Variants in LARP7 observed in about 807,000 individuals in gnomAD.
LARP7 encodes La ribonucleoprotein 7, transcriptional regulator.
In LARP7, 52 loss-of-function variants were observed where a neutral mutation model predicts 69.3. That is an observed-to-expected ratio of 0.75 (90% CI 0.60 to 0.95). The LOEUF (loss-of-function observed/expected upper bound fraction) is 0.95. Among genes scored for constraint, LARP7 ranks in the 40% least tolerant of loss-of-function variants. LARP7 has a pLI of 0.00. For synonymous variants in LARP7, 254 were observed against 215.9 expected (o/e 1.18, Z -1.55); for missense variants, 733 against 673.0 (o/e 1.09, Z -0.99).
Position 112,647,449 on chromosome 4 carries a change from C to A in LARP7, c.897C>A (p.Ser299Arg). Reference protein sequence around the residue: ...EVRTGKRKRSSSEDAESLAPR... With the variant: ...EVRTGKRKRSRSEDAESLAPR... ...GAACAGGGAAGAGGAAGAGAAGCAG[C>A]TCTGAAGATGCAGAATCCCTAGCTC... The change falls in exon 7 of 13, where the codon AGC becomes AGA. Residue 299 changes from serine (S) to arginine (R), a missense_variant. Transcript: ENST00000344442. 4 of 1,614,014 alleles carry A rather than the reference C, an allele frequency of 2.5e-6. No individual in the cohort carries two copies. The highest frequency in any genetic ancestry group is 3.4e-6 in the Non-Finnish European group (4 of 1,179,988).
chr4:112,643,974 G>A (rs1463372508), intron 1 of LARP7, among the ~76,000 whole-genome samples: 5 of 152,024 alleles, frequency 3.3e-5, no homozygotes, highest in African/African-American at 4.8e-5. Context: ...CAGGCGCGGC[G>A]GCTCATGTCT....
intron 1 of LARP7, among the ~76,000 whole-genome samples, chr4:112,644,096 G>A (rs1339820883): frequency 1.3e-5 from 2 of 151,872 alleles, no homozygotes; most frequent in East Asian, 3.9e-4. Context: ...ACAAAAATTA[G>A]CCGGGCATGA....
intron 11 of LARP7, 22 bp downstream of exon 11, chr4:112,653,258 C>T: frequency 2.8e-5 from 38 of 1,345,936 alleles, no homozygotes; most frequent in East Asian, 1.6e-4. Context: ...TAGACGTTTC[C>T]TTTTTTTTTT....
chr4:112,650,110 G>A (rs1048046244), intron 9 of LARP7: 6 of 184,856 alleles, frequency 3.2e-5, no homozygotes, highest in African/African-American at 9.4e-5. Flanking sequence ...AAATGTTCAC[G>A]TTTGAATAAT....
intron 1 of LARP7, 148 bp from the exon 2 acceptor site, chr4:112,644,520 A>T: frequency 2.9e-6 from 3 of 1,040,010 alleles, no homozygotes; most frequent in Non-Finnish European, 3.9e-6. Flanking sequence ...TTTATTAAAT[A>T]TAAAAATGAA....
chr4:112,642,488 A>T (rs1378564375), intron 1 of LARP7, among the ~76,000 whole-genome samples: 1 of 152,134 alleles, frequency 6.6e-6, no homozygotes, highest in Non-Finnish European at 1.5e-5. Flanking sequence ...AGGGCTTTGT[A>T]CCCTCTTACT....
rs781724052 is a variant in LARP7 at position 112,644,739 on chromosome 4, GAA to G, written c.76_77del (p.Lys26GlufsTer6). The G allele has an allele frequency of 6.2e-7, 1 of 1,610,174 alleles. No homozygotes were observed. Among genetic ancestry groups the G allele is most frequent in the African/African-American group, 1.3e-5 (1 of 74,782 alleles). On this transcript the variant is annotated frameshift_variant, in exon 2 of 13. Coordinates refer to ENST00000344442, the MANE Select transcript of LARP7 (RefSeq NM_016648.4). LOFTEE classifies it high-confidence loss of function. Reference sequence around the variant, plus strand: ...AAGCACTGAAAAGAAAAAAGAAGTTGAAAAAAAGAAACGGTCACGAGTTAAAC... The same window carrying G: ...AAGCACTGAAAAGAAAAAAGAAGTTGAAAAAGAAACGGTCACGAGTTAAAC... ...EESTEKKKEVEKKKRSRVKQV... is the reference protein window; with the variant it reads ...EESTEKKKEVXKKKRSRVKQV...
intron 11 of LARP7, 122 bp downstream of exon 11, chr4:112,653,358 G>T: frequency 1.5e-6 from 1 of 667,834 alleles, no homozygotes; most frequent in Non-Finnish European, 2.3e-6. Context: ...CGCTCAGGCT[G>T]GAGTACAGTG....
At position 112,646,623 on chromosome 4, in the gene LARP7, A is replaced by G; in HGVS notation, c.339A>G (p.Lys113=). Residue 113 remains lysine (K), a synonymous_variant, in exon 4 of 13, where the codon AAA becomes AAG. Transcript: ENST00000344442. The part of the protein sequence containing the change: ...DLEGTRIRRK[K]PLGERPKDED... ...AAGGCACCAGAATCCGGAGGAAAAA[A>G]CCTCTGGGGGAAAGACCAAAGGATG... 6.2e-7 allele frequency: 1 copy of G among 1,602,346 alleles called. No individual in the cohort carries two copies. Among genetic ancestry groups the G allele is most frequent in the Non-Finnish European group, 8.5e-7 (1 of 1,173,810 alleles).
intron 1 of LARP7, among the ~76,000 whole-genome samples, chr4:112,642,918 A>C (rs777699361): frequency 6.6e-6 from 1 of 152,226 alleles, no homozygotes; most frequent in East Asian, 1.9e-4. Context: ...CACCCCCATT[A>C]GTCTCTCCAG....
At chr4:112,644,945 C>CTTTTTTTTTTTTTT (rs58234206) in intron 2 of LARP7, 74 bp downstream of exon 2, 10 of 159,990 alleles carry the variant, frequency 6.3e-5, no homozygotes, top group African/African-American at 1.0e-4. Context: ...ATAATATATT[C>CTTTTTTTTTTTTTT]TTTTTTTTTT....
chr4:112,644,243 AG>A (rs1234469936), intron 1 of LARP7: 9 of 214,218 alleles, frequency 4.2e-5, no homozygotes, highest in Admixed American at 1.2e-4. Context: ...ACTGTCTCCA[AG>A]AAAAAAAAAA....
intron 1 of LARP7, among the ~76,000 whole-genome samples, chr4:112,641,923 G>A (rs907875316): frequency 2.6e-5 from 4 of 152,162 alleles, no homozygotes; most frequent in African/African-American, 9.7e-5. Flanking sequence ...CTTAAAGCCA[G>A]GATCCTCAGA....
intron 7 of LARP7, 31 bp downstream of exon 7, chr4:112,647,580 C>T: frequency 1.5e-6 from 2 of 1,318,932 alleles, no homozygotes; most frequent in Non-Finnish European, 1.0e-6. Context: ...TTAGATAAAA[C>T]TAATTAATTT....
At chr4:112,639,279 G>C (rs1224491787) in intron 1 of LARP7, among the ~76,000 whole-genome samples, 1 of 147,706 alleles carries the variant, frequency 6.8e-6, no homozygotes, top group Non-Finnish European at 1.5e-5. Flanking sequence ...GCACGATCTC[G>C]GCTCGCTGCA....
chr4:112,647,449 C>T lies in LARP7; in HGVS notation c.897C>T (p.Ser299=). 1 of 1,614,014 alleles carries T rather than the reference C, an allele frequency of 6.2e-7. No homozygotes were observed. Among genetic ancestry groups the T allele is most frequent in the South Asian group, 1.1e-5 (1 of 91,058 alleles). ...GAACAGGGAAGAGGAAGAGAAGCAGCTCTGAAGATGCAGAATCCCTAGCTC... is the reference window on the plus strand; with the variant it reads ...GAACAGGGAAGAGGAAGAGAAGCAGTTCTGAAGATGCAGAATCCCTAGCTC... ...EVRTGKRKRS[S]SEDAESLAPR... Residue 299 remains serine, a synonymous_variant, in exon 7 of 13, where the codon AGC becomes AGT. Transcript: ENST00000344442.
At chr4:112,641,673 G>A (rs967388126) in intron 1 of LARP7, among the ~76,000 whole-genome samples, 3 of 152,184 alleles carry the variant, frequency 2.0e-5, no homozygotes, top group Non-Finnish European at 4.4e-5. Flanking sequence ...GTAAGGAAAA[G>A]GGAAATTAAG....
Position 112,649,761 on chromosome 4 carries a change from G to A in LARP7, c.1294+75G>A, listed in dbSNP as rs1250131050. The stretch of plus-strand genomic sequence containing the variant: ...AAATGCTATCTCTGAGTTGTTATAA[G>A]ATAAATTTTAATTTTAAAAAACTTG... On this transcript the variant is annotated intron_variant, in intron 9 of 12. Coordinates refer to ENST00000344442, the MANE Select transcript of LARP7 (RefSeq NM_016648.4). 5 of 976,846 alleles carry A rather than the reference G, an allele frequency of 5.1e-6. No individual in the cohort carries two copies. In the South Asian group the frequency reaches 8.4e-5, roughly 16 times the overall value. The allele number at this position is 976,846 out of a possible 1,614,324, so 60.5% of individuals were successfully genotyped here.
At chr4:112,639,513 A>G (rs1018319098) in intron 1 of LARP7, among the ~76,000 whole-genome samples, 1 of 151,778 alleles carries the variant, frequency 6.6e-6, no homozygotes, top group Admixed American at 6.6e-5. Context: ...TACAAGCGTG[A>G]GCCACCGCGC....
Sources: allele counts gnomAD v4.1 joint callset (sites outside exome capture counted in the v4.1 genomes callset), GRCh38; gene constraint gnomAD v4.1.1; transcripts MANE v1.5; gene names NCBI Gene and HGNC (gene_info 2026-07-23, HGNC 2026-07-21).